Variants in ASIC1 observed in about 807,000 individuals in gnomAD.
ASIC1 encodes acid sensing ion channel subunit 1.
A neutral mutation model predicts 63.4 loss-of-function variants in ASIC1; 21 were observed. The ratio of observed to expected loss-of-function variants is 0.33; its 90% confidence interval spans 0.23 to 0.48. The LOEUF (loss-of-function observed/expected upper bound fraction) is 0.48, where lower values mean the gene tolerates loss of function less well. ASIC1 is among the 20% of genes least tolerant of loss of function. The pLI, the probability that ASIC1 is intolerant of heterozygous loss-of-function variation, is 0.99. For synonymous variants in ASIC1, 258 were observed against 278.2 expected (o/e 0.93, Z 0.72); for missense variants, 478 against 695.5 (o/e 0.69, Z 3.52).
rs34556615 is a variant in ASIC1 at position 50,071,266 on chromosome 12, C to CTTTTTTTTTTT, written c.559-5939_559-5929dup. 1.1e-3 allele frequency among the ~76,000 whole-genome samples: 129 copies of CTTTTTTTTTTT among 119,802 alleles called. 3 individuals carry two copies. Among genetic ancestry groups the CTTTTTTTTTTT allele is most frequent in the African/African-American group, 4.0e-3 (122 of 30,790 alleles). 78.6% of individuals were successfully genotyped at this position (119,802 alleles called of 152,430 possible). ...GAGGTGGAGGGTACATTGCTTTCAG[C>CTTTTTTTTTTT]TTTTTTTTTTTTTTTTTTGAGACGG... On this transcript the variant is annotated intron_variant, in intron 3 of 11. Transcript: ENST00000447966.
At position 50,059,936 on chromosome 12, in the gene ASIC1, C is replaced by T. The variant is rs762996003; in HGVS notation, c.540C>T (p.Ser180=). ...GCCACTTCCGGGGGGAGGTCTGCAG[C>T]GCTGAAGACTTCAAGGTGGTGAGTC... ...LSCHFRGEVC[S]AEDFKVVFTR... Residue 180 remains serine (S), a synonymous_variant, in exon 3 of 12, where the codon AGC becomes AGT. Coordinates refer to ENST00000447966, the MANE Select transcript of ASIC1 (RefSeq NM_001095.4). This position sits in a 1 kb window ranked among gnomAD's most constrained non-coding sequence, Gnocchi z 4.6. 27 of 1,613,856 alleles carry T rather than the reference C, an allele frequency of 1.7e-5. No individual in the cohort carries two copies. The highest frequency in any genetic ancestry group is 4.5e-5 in the East Asian group (2 of 44,900).
At chr12:50,073,737 G>A (rs1271278698) in intron 3 of ASIC1, 5 of 1,536,410 alleles carry the variant, frequency 3.3e-6, no homozygotes, top group South Asian at 1.2e-5. Flanking sequence ...AGGAGGCAGT[G>A]AGGAAGGAGG....
chr12:50,078,559 C>T lies in ASIC1; in HGVS notation c.976C>T (p.Arg326Cys), dbSNP rs751915220. ...CTACCTGGTGGAGAACTGCAACTGCCGCATGGTGCACATGCCAGGTCAGGC... is the reference window on the plus strand; with the variant it reads ...CTACCTGGTGGAGAACTGCAACTGCTGCATGGTGCACATGCCAGGTCAGGC... ...TRYLVENCNC[R>C]MVHMPGDAPY... Residue 326 changes from arginine to cysteine, a missense_variant, in exon 6 of 12, where the codon CGC (arginine) becomes TGC (cysteine). Coordinates refer to ENST00000447966, the MANE Select transcript of ASIC1 (RefSeq NM_001095.4). The surrounding 1 kb of genome is among the most constrained non-coding windows in gnomAD (Gnocchi z 6.0). 6.2e-7 allele frequency: 1 copy of T among 1,614,100 alleles called. No homozygotes were observed. The highest frequency in any genetic ancestry group is 8.5e-7 in the Non-Finnish European group (1 of 1,179,992).
chr12:50,062,579 C>T (rs763371860), intron 3 of ASIC1, among the ~76,000 whole-genome samples: 3 of 147,354 alleles, frequency 2.0e-5, no homozygotes, highest in Non-Finnish European at 4.5e-5. Context: ...TACCACCCCC[C>T]ACTGTCCAAG....
intron 3 of ASIC1, among the ~76,000 whole-genome samples, chr12:50,072,972 C>T (rs933983748): frequency 1.3e-5 from 2 of 151,808 alleles, no homozygotes; most frequent in African/African-American, 4.8e-5. Flanking sequence ...TGGTGGGGCA[C>T]GGAGGGGCTC....
At chr12:50,072,801 A>C (rs993835526) in intron 3 of ASIC1, among the ~76,000 whole-genome samples, 5 of 152,144 alleles carry the variant, frequency 3.3e-5, no homozygotes, top group African/African-American at 1.2e-4. Context: ...CCCACAAGCC[A>C]CAGGAGGGGT....
intron 3 of ASIC1, among the ~76,000 whole-genome samples, chr12:50,075,085 T>C (rs1307103251): frequency 6.6e-6 from 1 of 151,806 alleles, no homozygotes; most frequent in Non-Finnish European, 1.5e-5. Context: ...TCTCCTAAGT[T>C]CATCTTCCAG....
intron 9 of ASIC1, chr12:50,080,880 T>C (rs1282278986): frequency 1.5e-5 from 13 of 856,566 alleles, no homozygotes; most frequent in Non-Finnish European, 2.4e-5. Context: ...TTGTAAACGA[T>C]TATTTTTCTT....
At chr12:50,060,310 G>A (rs1051093266) in intron 3 of ASIC1, among the ~76,000 whole-genome samples, 12 of 152,198 alleles carry the variant, frequency 7.9e-5, no homozygotes, top group Admixed American at 6.5e-4. Flanking sequence ...CTACAGCCGT[G>A]TTACTTGTAG....
intron 3 of ASIC1, among the ~76,000 whole-genome samples, chr12:50,065,706 T>C (rs1220569069): frequency 6.6e-6 from 1 of 152,254 alleles, no homozygotes; most frequent in Admixed American, 6.5e-5. Context: ...AATTGTGATC[T>C]TTCTGAGATC....
In ASIC1 at chr12:50,059,470, G is replaced by T. The variant is rs749300388; in HGVS notation, c.363-289G>T. ...GGATGGGGACAGAACATCTTTAAAG[G>T]GTAGAAACTACAGTATAAAAGCCAC... On this transcript the variant is annotated intron_variant, in intron 2 of 11. Transcript: ENST00000447966. The surrounding 1 kb of genome is among the most constrained non-coding windows in gnomAD (Gnocchi z 4.6). Among the ~76,000 whole-genome samples, 1 of 152,134 alleles carries T rather than the reference G, an allele frequency of 6.6e-6. No individual in the cohort carries two copies. The highest frequency in any genetic ancestry group is 1.5e-5 in the Non-Finnish European group (1 of 68,030).
At position 50,074,860 on chromosome 12, in the gene ASIC1, C is replaced by CTGTGTGTGTGTG. The variant is rs376276861; in HGVS notation, c.559-2317_559-2306dup. 1.2e-3 allele frequency among the ~76,000 whole-genome samples: 163 copies of CTGTGTGTGTGTG among 141,510 alleles called. 3 individuals are homozygous for CTGTGTGTGTGTG. The highest frequency in any genetic ancestry group is 3.9e-3 in the African/African-American group (145 of 37,612). The allele number at this position is 141,510 out of a possible 152,430, so 92.8% of individuals were successfully genotyped here. A position where few individuals can be genotyped will look rare whatever the true frequency, so the allele number is the denominator to read the frequency against. On this transcript the variant is annotated intron_variant, in intron 3 of 11. Transcript: ENST00000447966. This position sits in a 1 kb window ranked among gnomAD's most constrained non-coding sequence, Gnocchi z 4.2. ...TATGGACGCCCCACCCCCACCAGCTCTGTGTGTGTGTGTGTGTGTGTGTGT... is the reference window on the plus strand; with the variant it reads ...TATGGACGCCCCACCCCCACCAGCTCTGTGTGTGTGTGTGTGTGTGTGTGTGTGTGTGTGTGT...
chr12:50,081,317 A>G lies in ASIC1; in HGVS notation c.1435A>G (p.Ser479Gly). ...ATGCCAGAAGGAGGCCAAAAGGAGC[A>G]GTGCGGACAAGGGCGTGGCCCTCAG... ...GKCQKEAKRS[S>G]ADKGVALSLD... Residue 479 changes from serine (S) to glycine (G), a missense_variant, in exon 11 of 12, where the codon AGT becomes GGT. Physicochemically the swap from Ser to Gly is moderately conservative, Grantham distance 56. Transcript: ENST00000447966. 1 of 1,611,340 alleles carries G rather than the reference A, an allele frequency of 6.2e-7. No homozygotes were observed. The highest frequency in any genetic ancestry group is 8.5e-7 in the Non-Finnish European group (1 of 1,178,800).
In ASIC1 at chr12:50,074,095, G is replaced by T. The variant is rs1454600936; in HGVS notation, c.559-3118G>T. ...ACTGGATGAAAGTGATGACCCCGGG[G>T]TGCCCCTCGCTCCACCGGGCCCTGA... is the stretch of plus-strand genomic sequence containing the variant. On this transcript the variant is annotated intron_variant, in intron 3 of 11. Coordinates refer to ENST00000447966, the MANE Select transcript of ASIC1 (RefSeq NM_001095.4). The surrounding 1 kb of genome is among the most constrained non-coding windows in gnomAD (Gnocchi z 4.2). 14 of 1,535,576 alleles carry T rather than the reference G, an allele frequency of 9.1e-6. No individual in the cohort carries two copies. In the African/African-American group the frequency reaches 1.4e-4, roughly 15 times the overall value.
At chr12:50,067,362 A>G (rs1950554816) in intron 3 of ASIC1, among the ~76,000 whole-genome samples, 1 of 150,260 alleles carries the variant, frequency 6.7e-6, no homozygotes, top group Non-Finnish European at 1.5e-5. Flanking sequence ...ATTATTCTTG[A>G]TCTCTCAATA....
In ASIC1 at chr12:50,079,960, C is replaced by A. The variant is rs143293039; in HGVS notation, c.1110C>A (p.Thr370=). The A allele has an allele frequency of 6.2e-7, 1 of 1,613,954 alleles. No individual in the cohort carries two copies. Among genetic ancestry groups the A allele is most frequent in the Non-Finnish European group, 8.5e-7 (1 of 1,179,952 alleles). ...YCVCEMPCNL[T]RYGKELSMVK... is the part of the protein sequence containing the mutation. ...TGTGTGAAATGCCTTGCAACCTGAC[C>A]CGCTATGGCAAAGAGCTGTCCATGG... Residue 370 remains threonine (T), a synonymous_variant, in exon 8 of 12, where the codon ACC becomes ACA. Coordinates refer to ENST00000447966, the MANE Select transcript of ASIC1 (RefSeq NM_001095.4).
chr12:50,081,487 G>T (rs939548704), intron 11 of ASIC1, 58 bp from the exon 12 acceptor site: 17 of 1,256,872 alleles, frequency 1.4e-5, no homozygotes, highest in Non-Finnish European at 1.6e-5. Flanking sequence ...GAATGCCCCA[G>T]CACTACCTGA....
intron 3 of ASIC1, among the ~76,000 whole-genome samples, chr12:50,065,672 C>T (rs761026834): frequency 2.0e-4 from 30 of 152,240 alleles, no homozygotes; most frequent in Admixed American, 2.6e-4. Context: ...TCTCCAAGGC[C>T]ACTCTCCAGG....
rs1252634281 is a variant in ASIC1, at chr12:50,057,698, G to A, written c.-235G>A. The A allele has an allele frequency of 6.6e-6, 1 of 151,504 alleles. No homozygotes were observed. The highest frequency in any genetic ancestry group is 2.4e-5 in the African/African-American group (1 of 41,374). 9.4% of individuals were successfully genotyped at this position (151,504 alleles called of 1,614,324 possible). A position where few individuals can be genotyped will look rare whatever the true frequency, so the allele number is the denominator to read the frequency against. ...CCGAGCCCGGGCAGACCGAGCCGAG[G>A]CGAGCGAGCCAGCGAGCCAGCGCGC... On this transcript the variant is annotated 5_prime_UTR_variant, in exon 1 of 12. Transcript: ENST00000447966. This position sits in a 1 kb window ranked among gnomAD's most constrained non-coding sequence, Gnocchi z 4.7.
Sources: gnomAD v4.1 joint callset for allele counts (sites outside exome capture counted in the v4.1 genomes callset) on GRCh38, gnomAD v4.1.1 for gene constraint, Gnocchi (gnomAD v3.1) non-coding constraint, MANE v1.5 for transcripts, NCBI Gene and HGNC (gene_info 2026-07-23, HGNC 2026-07-21) for gene names.